The following HCRTR2 variants were observed in gnomAD, a reference collection of about 807,000 sequenced individuals.
HCRTR2 encodes hypocretin receptor 2, also known as orexin receptor type 2.
In HCRTR2, 22 loss-of-function variants were observed where a neutral mutation model predicts 49.0. The ratio of observed to expected loss-of-function variants is 0.45; its 90% CI spans 0.32 to 0.64. The LOEUF is 0.64. Ranked by LOEUF, HCRTR2 falls within the 30% of genes least tolerant of loss-of-function variation. HCRTR2 has a pLI of 0.04. For missense variants in HCRTR2, 491 were observed against 559.4 expected (o/e 0.88, Z 1.23); for synonymous variants, 236 against 205.3 (o/e 1.15, Z -1.28).
chr6:55,260,169 TG>T (rs753346764), intron 3 of HCRTR2, among the ~76,000 whole-genome samples: 21 of 152,304 alleles, frequency 1.4e-4, no homozygotes, highest in Non-Finnish European at 2.6e-4. Context: ...ATAGCTGCAG[TG>T]GAAAAAATTT....
At chr6:55,164,222 C>T (rs1000910553) in intron 1 of HCRTR2, among the ~76,000 whole-genome samples, 5 of 152,128 alleles carry the variant, frequency 3.3e-5, no homozygotes, top group Non-Finnish European at 5.9e-5. Flanking sequence ...GTGGTGATTC[C>T]TCAAGGATCT....
At position 55,127,886 on chromosome 6, in the gene HCRTR2, G is replaced by T. The variant is rs182598685; in HGVS notation, c.-378+21341G>T. On this transcript the variant is annotated intron_variant, in intron 1 of 7. Transcript: ENST00000615358. ...ATTTGTTAGATTGTCTGTTTACTCT[G>T]TTGGTAGTTTATTTTGCTGTGCAGA... 2.5e-3 allele frequency among the ~76,000 whole-genome samples: 388 copies of T among 152,236 alleles called. 1 individual carries two copies. The highest frequency in any genetic ancestry group is 8.8e-3 in the African/African-American group (364 of 41,566).
At chr6:55,241,731 C>T (rs1336949249) in intron 1 of HCRTR2, among the ~76,000 whole-genome samples, 1 of 151,704 alleles carries the variant, frequency 6.6e-6, no homozygotes, top group African/African-American at 2.4e-5. Context: ...TTAAAAAATA[C>T]CATATTTATA....
intron 1 of HCRTR2, among the ~76,000 whole-genome samples, chr6:55,192,061 T>C (rs1011433631): frequency 6.6e-6 from 1 of 152,036 alleles, no homozygotes; most frequent in Admixed American, 6.6e-5. Flanking sequence ...TAAGTCTAAA[T>C]TTTTTTTCTA....
chr6:55,145,471 C>T (rs191471388), intron 1 of HCRTR2, among the ~76,000 whole-genome samples: 8 of 149,596 alleles, frequency 5.3e-5, no homozygotes, highest in South Asian at 2.1e-4. Flanking sequence ...AGTGCAGTGG[C>T]GCGATCTCGG....
chr6:55,279,320 A>G (rs1446109334), intron 5 of HCRTR2, among the ~76,000 whole-genome samples: 2 of 151,966 alleles, frequency 1.3e-5, no homozygotes, highest in African/African-American at 4.8e-5. Context: ...GTCAAAAGCA[A>G]TTTCTTTACA....
intron 1 of HCRTR2, among the ~76,000 whole-genome samples, chr6:55,119,076 T>C (rs950204574): frequency 6.6e-6 from 1 of 152,018 alleles, no homozygotes; most frequent in Admixed American, 6.6e-5. Flanking sequence ...CTGAGAATGA[T>C]GGTTTCCAGC....
intron 1 of HCRTR2, among the ~76,000 whole-genome samples, chr6:55,155,261 T>C (rs1764715757): frequency 6.6e-6 from 1 of 151,896 alleles, no homozygotes; most frequent in South Asian, 2.1e-4. Context: ...AAACCTATGA[T>C]TTCAATTTGG....
intron 1 of HCRTR2, among the ~76,000 whole-genome samples, chr6:55,135,444 C>A (rs958397143): frequency 6.6e-6 from 1 of 152,074 alleles, no homozygotes; most frequent in Non-Finnish European, 1.5e-5. Context: ...AATATCACTA[C>A]TCATCTGTTA....
At chr6:55,200,192 T>C (rs572836822) in intron 1 of HCRTR2, among the ~76,000 whole-genome samples, 86 of 152,138 alleles carry the variant, frequency 5.7e-4, no homozygotes, top group Non-Finnish European at 1.1e-3. Flanking sequence ...ATGTCGTTTT[T>C]TTTTCAATTT....
intron 1 of HCRTR2, among the ~76,000 whole-genome samples, chr6:55,188,239 C>T (rs1465156011): frequency 1.3e-5 from 2 of 152,154 alleles, no homozygotes; most frequent in East Asian, 3.9e-4. Context: ...GACTTGGGTT[C>T]CATAACTAAT....
intron 1 of HCRTR2, among the ~76,000 whole-genome samples, chr6:55,233,660 A>C (rs148123008): frequency 7.9e-4 from 121 of 152,252 alleles, no homozygotes; most frequent in African/African-American, 2.8e-3. Flanking sequence ...GTGCCACTGC[A>C]CTCTAGCCTG....
chr6:55,244,321 T>G (rs1766390724), intron 1 of HCRTR2, among the ~76,000 whole-genome samples: 1 of 146,090 alleles, frequency 6.8e-6, no homozygotes, highest in Admixed American at 6.8e-5. Flanking sequence ...TTATGACATT[T>G]ATTATTTTAT....
chr6:55,183,454 A>G (rs1262339532), intron 1 of HCRTR2, among the ~76,000 whole-genome samples: 1 of 152,226 alleles, frequency 6.6e-6, no homozygotes, highest in East Asian at 1.9e-4. Flanking sequence ...GAGTCTGGAA[A>G]TGAGGCTGAA....
intron 1 of HCRTR2, among the ~76,000 whole-genome samples, chr6:55,145,762 A>G (rs902673790): frequency 2.6e-5 from 4 of 151,868 alleles, no homozygotes; most frequent in African/African-American, 9.7e-5. Context: ...CTCCCCTCAC[A>G]TGACACCATA....
At chr6:55,233,683 A>G (rs1446885669) in intron 1 of HCRTR2, among the ~76,000 whole-genome samples, 1 of 150,830 alleles carries the variant, frequency 6.6e-6, no homozygotes, top group Non-Finnish European at 1.5e-5. Flanking sequence ...CAAAAGAGCA[A>G]GACCCTGTCT....
chr6:55,235,179 G>T (rs887569447), intron 1 of HCRTR2, among the ~76,000 whole-genome samples: 2 of 152,024 alleles, frequency 1.3e-5, no homozygotes, highest in African/African-American at 4.8e-5. Flanking sequence ...TGGCAGGGGG[G>T]ATGTTGTTGG....
intron 1 of HCRTR2, among the ~76,000 whole-genome samples, chr6:55,233,948 A>G (rs886557672): frequency 6.6e-6 from 1 of 152,188 alleles, no homozygotes. Flanking sequence ...TGGATTTTTT[A>G]TCTTTGTAGT....
chr6:55,250,430 A>G (rs757507446), intron 2 of HCRTR2, among the ~76,000 whole-genome samples: 8 of 152,172 alleles, frequency 5.3e-5, no homozygotes, highest in Non-Finnish European at 1.0e-4. Flanking sequence ...CTTGGTTTCA[A>G]TAACTACCCA....
Sources: allele counts gnomAD v4.1 joint callset (sites outside exome capture counted in the v4.1 genomes callset), GRCh38; gene constraint gnomAD v4.1.1; transcripts MANE v1.5; gene names NCBI Gene and HGNC (gene_info 2026-07-23, HGNC 2026-07-21).